The following RBFOX1 variants were observed in gnomAD, a reference collection of about 807,000 sequenced individuals.
The protein encoded by RBFOX1 is RNA binding protein fox-1 homolog 1.
A neutral mutation model predicts 57.7 loss-of-function variants in RBFOX1; 8 were observed. That is an observed-to-expected ratio of 0.14 (90% CI 0.08 to 0.25). RBFOX1 has a LOEUF of 0.25. Among genes scored for constraint, RBFOX1 ranks in the 10% least tolerant of loss-of-function variants. The pLI is 1.00. For synonymous variants in RBFOX1, 326 were observed against 222.4 expected, an observed-to-expected ratio of 1.47 and a Z score of -4.15; for missense variants, 611 against 548.5, an observed-to-expected ratio of 1.11 and a Z score of -1.14.
intron 2 of RBFOX1, among the ~76,000 whole-genome samples, chr16:6,513,780 A>T (rs1466558240): frequency 6.6e-6 from 1 of 152,106 alleles, no homozygotes; most frequent in Non-Finnish European, 1.5e-5. Context: ...GGAAACCATG[A>T]CATCATTGTC....
intron 4 of RBFOX1, among the ~76,000 whole-genome samples, chr16:7,065,256 G>C (rs2881357): frequency 0.81 from 123,784 of 151,944 alleles, 51,055 homozygotes; most frequent in African/African-American, 0.94. Context: ...CTTTCTTGTA[G>C]CGAAGGTAGA....
At chr16:6,558,304 G>A (rs1052622169) in intron 2 of RBFOX1, among the ~76,000 whole-genome samples, 59 of 152,120 alleles carry the variant, frequency 3.9e-4, no homozygotes, top group Admixed American at 3.9e-3. Flanking sequence ...TAAGAAAGAG[G>A]CCTTACAGAG....
chr16:5,531,276 A>G (rs1320718850), intron 2 of RBFOX1, among the ~76,000 whole-genome samples: 1 of 152,128 alleles, frequency 6.6e-6, no homozygotes, highest in Non-Finnish European at 1.5e-5. Context: ...GGTGGGAAGG[A>G]GCATGTATCT....
intron 4 of RBFOX1, among the ~76,000 whole-genome samples, chr16:7,062,893 ATTTTTTTTTTTTTT>A (rs1170936027): frequency 2.7e-4 from 13 of 47,310 alleles, no homozygotes; most frequent in African/African-American, 7.3e-4. Context: ...AATGATCGCC[ATTTTTTTTTTTTTT>A]TTTTTTTTTT....
At chr16:7,180,714 GAA>G (rs71391606) in intron 4 of RBFOX1, among the ~76,000 whole-genome samples, 12,349 of 146,092 alleles carry the variant, frequency 0.085, 668 homozygotes, top group African/African-American at 0.14. Context: ...TTATTATGAT[GAA>G]AAAAAAAAAA....
At chr16:6,740,534 C>G (rs969405695) in intron 3 of RBFOX1, among the ~76,000 whole-genome samples, 1 of 152,176 alleles carries the variant, frequency 6.6e-6, no homozygotes, top group African/African-American at 2.4e-5. Flanking sequence ...GACAAGTTAG[C>G]TCACCAAAGT....
At chr16:6,867,869 A>T (rs1470837201) in intron 3 of RBFOX1, among the ~76,000 whole-genome samples, 1 of 152,204 alleles carries the variant, frequency 6.6e-6, no homozygotes, top group South Asian at 2.1e-4. Flanking sequence ...TCCCAGTTTC[A>T]ACGATGTATT....
intron 3 of RBFOX1, among the ~76,000 whole-genome samples, chr16:6,989,485 T>G (rs2091033847): frequency 6.6e-6 from 1 of 152,184 alleles, no homozygotes; most frequent in Non-Finnish European, 1.5e-5. Context: ...CCTCTGTAAT[T>G]ATTATATAGC....
intron 9 of RBFOX1, among the ~76,000 whole-genome samples, chr16:7,606,718 A>T (rs1293544474): frequency 6.6e-6 from 1 of 152,188 alleles, no homozygotes; most frequent in Non-Finnish European, 1.5e-5. Flanking sequence ...TTGATTAAGA[A>T]TTTTTTACAG....
intron 1 of RBFOX1, among the ~76,000 whole-genome samples, chr16:5,335,414 C>T (rs981483869): frequency 1.3e-5 from 2 of 152,166 alleles, no homozygotes; most frequent in Admixed American, 6.5e-5. Flanking sequence ...GAGTTTTTCC[C>T]GTCATCAGCG....
intron 3 of RBFOX1, among the ~76,000 whole-genome samples, chr16:5,688,148 G>A (rs1174718252): frequency 6.6e-6 from 1 of 152,150 alleles, no homozygotes; most frequent in African/African-American, 2.4e-5. Flanking sequence ...TGAAAAAATG[G>A]TGTTTAGGTA....
intron 3 of RBFOX1, among the ~76,000 whole-genome samples, chr16:6,801,410 C>T (rs2085414322): frequency 1.3e-5 from 2 of 152,106 alleles, no homozygotes; most frequent in South Asian, 4.1e-4. Context: ...CCCTTGGGAA[C>T]TGCTCAGCTG....
intron 3 of RBFOX1, among the ~76,000 whole-genome samples, chr16:6,888,688 C>A (rs1567727844): frequency 6.6e-6 from 1 of 152,098 alleles, no homozygotes; most frequent in Non-Finnish European, 1.5e-5. Context: ...ATTCTAAGAT[C>A]CTAGTAAAAA....
At chr16:7,031,111 G>A (rs1018295229) in intron 3 of RBFOX1, among the ~76,000 whole-genome samples, 6 of 152,160 alleles carry the variant, frequency 3.9e-5, no homozygotes, top group African/African-American at 1.4e-4. Context: ...TAGACTGGGT[G>A]GAGAGGAAGC....
intron 3 of RBFOX1, among the ~76,000 whole-genome samples, chr16:6,671,453 T>G (rs1047414054): frequency 4.6e-5 from 7 of 152,214 alleles, no homozygotes; most frequent in African/African-American, 1.7e-4. Context: ...ATTAATTTGA[T>G]ATTTGAACAT....
At chr16:5,408,250 C>G (rs2066916869) in intron 1 of RBFOX1, among the ~76,000 whole-genome samples, 1 of 152,148 alleles carries the variant, frequency 6.6e-6, no homozygotes, top group Non-Finnish European at 1.5e-5. Flanking sequence ...TGAAAGGGGC[C>G]ATACAGAGAC....
chr16:6,971,603 A>G (rs1473283289), intron 3 of RBFOX1, among the ~76,000 whole-genome samples: 3 of 152,104 alleles, frequency 2.0e-5, no homozygotes, highest in Non-Finnish European at 4.4e-5. Context: ...GTTACATGGA[A>G]TATGGTGTAC....
intron 4 of RBFOX1, among the ~76,000 whole-genome samples, chr16:7,255,866 A>C (rs925074497): frequency 2.6e-5 from 4 of 152,208 alleles, no homozygotes; most frequent in Admixed American, 2.0e-4. Flanking sequence ...GTCACATTTC[A>C]TGTGTTCAAT....
chr16:5,841,517 A>C (rs1363243085), intron 3 of RBFOX1, among the ~76,000 whole-genome samples: 3 of 152,248 alleles, frequency 2.0e-5, no homozygotes, highest in African/African-American at 7.2e-5. Flanking sequence ...CAGGGTGCCC[A>C]GTAACTTTTC....
Sources: gnomAD v4.1 joint callset for allele counts (sites outside exome capture counted in the v4.1 genomes callset) on GRCh38, gnomAD v4.1.1 for gene constraint, MANE v1.5 for transcripts, NCBI Gene and HGNC (gene_info 2026-07-23, HGNC 2026-07-21) for gene names.